Variants in MTX2 observed in about 807,000 individuals in gnomAD.
MTX2 encodes the protein metaxin 2, also known as metaxin-2.
A neutral mutation model predicts 42.3 loss-of-function variants in MTX2; 35 were observed. That is an observed-to-expected ratio of 0.83 (90% CI 0.63 to 1.10). The LOEUF (loss-of-function observed/expected upper bound fraction) is 1.10, where lower values mean the gene tolerates loss of function less well. Among genes scored for constraint, MTX2 ranks in the 50% least tolerant of loss-of-function variants. MTX2 has a pLI of 0.00. For missense variants in MTX2, 307 were observed against 304.1 expected (o/e 1.01, Z -0.07); for synonymous variants, 119 against 100.9 (o/e 1.18, Z -1.08).
intron 1 of MTX2, among the ~76,000 whole-genome samples, chr2:176,290,768 T>A (rs903308435): frequency 1.1e-4 from 16 of 148,070 alleles, no homozygotes; most frequent in Non-Finnish European, 2.2e-4. Flanking sequence ...TTTTTTTTCC[T>A]CTCATGTCAT....
chr2:176,297,803 C>A, intron 2 of MTX2, 46 bp from the exon 3 acceptor site: 2 of 1,315,598 alleles, frequency 1.5e-6, no homozygotes, highest in South Asian at 1.7e-5. Context: ...AATAAAAATA[C>A]TATATTCTAC....
intron 3 of MTX2, among the ~76,000 whole-genome samples, chr2:176,304,709 A>T (rs1225407373): frequency 6.6e-6 from 1 of 152,046 alleles, no homozygotes; most frequent in African/African-American, 2.4e-5. Context: ...ATTCACAATC[A>T]TTTTTATTTT....
intron 1 of MTX2, among the ~76,000 whole-genome samples, chr2:176,289,392 CTTAAGCAGCATCTCT>C (rs1693277707): frequency 1.3e-5 from 2 of 151,980 alleles, no homozygotes; most frequent in Non-Finnish European, 2.9e-5. Flanking sequence ...AGCCTGAAAC[CTTAAGCAGCATCTCT>C]TTTGCTCCTG....
At chr2:176,318,766 T>C (rs940466828) in intron 3 of MTX2, among the ~76,000 whole-genome samples, 8 of 152,208 alleles carry the variant, frequency 5.3e-5, no homozygotes, top group Non-Finnish European at 8.8e-5. Flanking sequence ...CTTTATGTAC[T>C]GATTACTGTT....
intron 1 of MTX2, among the ~76,000 whole-genome samples, chr2:176,285,820 A>G (rs548142304): frequency 6.6e-6 from 1 of 152,224 alleles, no homozygotes; most frequent in East Asian, 1.9e-4. Flanking sequence ...CTTTTTGACT[A>G]TTGTGAATAA....
At chr2:176,293,878 A>G (rs1683765909) in intron 1 of MTX2, among the ~76,000 whole-genome samples, 1 of 152,184 alleles carries the variant, frequency 6.6e-6, no homozygotes, top group Non-Finnish European at 1.5e-5. Context: ...GCAGCTGTTC[A>G]TTCTTTGTAT....
chr2:176,307,511 G>A (rs1250374047), intron 3 of MTX2, among the ~76,000 whole-genome samples: 5 of 152,146 alleles, frequency 3.3e-5, no homozygotes, highest in Admixed American at 6.5e-5. Flanking sequence ...CCATTTTCAC[G>A]ATATTGATTT....
At chr2:176,320,437 G>A (rs1684554924) in intron 3 of MTX2, among the ~76,000 whole-genome samples, 1 of 152,056 alleles carries the variant, frequency 6.6e-6, no homozygotes, top group South Asian at 2.1e-4. Flanking sequence ...CCTTTGAGAA[G>A]ATATATTAAA....
At chr2:176,309,790 G>T (rs943958957) in intron 3 of MTX2, among the ~76,000 whole-genome samples, 4 of 129,858 alleles carry the variant, frequency 3.1e-5, no homozygotes, top group East Asian at 2.2e-4. Flanking sequence ...TTTTGAGCCT[G>T]TGTGCCTCTT....
rs367929876 is a variant in MTX2 at position 176,275,339 on chromosome 2, A to G, written c.40+5670A>G. Among the ~76,000 whole-genome samples, 26 of 152,026 alleles carry G rather than the reference A, an allele frequency of 1.7e-4. No homozygotes were observed. In the East Asian group the frequency reaches 4.7e-3, roughly 27 times the overall value. On this transcript the variant is annotated intron_variant, in intron 1 of 9. Coordinates refer to ENST00000249442, the MANE Select transcript of MTX2 (RefSeq NM_006554.5). Reference sequence around the variant, plus strand: ...CTGCAACCTCCACCTCCCAGGTTCAAGTTATTCTCCTGCCTCAGCCTCTTG... The same window carrying G: ...CTGCAACCTCCACCTCCCAGGTTCAGGTTATTCTCCTGCCTCAGCCTCTTG...
intron 1 of MTX2, among the ~76,000 whole-genome samples, chr2:176,276,733 C>G (rs1692955723): frequency 1.3e-5 from 2 of 151,976 alleles, no homozygotes; most frequent in South Asian, 4.1e-4. Context: ...ATGTAGTATC[C>G]CATTACCATT....
chr2:176,293,358 C>G (rs1387225604), intron 1 of MTX2, among the ~76,000 whole-genome samples: 1 of 152,088 alleles, frequency 6.6e-6, no homozygotes, highest in East Asian at 1.9e-4. Flanking sequence ...TAGAAATATA[C>G]CAGTTACTGT....
chr2:176,319,951 C>T (rs1302487853), intron 3 of MTX2, among the ~76,000 whole-genome samples: 2 of 152,070 alleles, frequency 1.3e-5, no homozygotes, highest in African/African-American at 4.8e-5. Context: ...GCTCCCTCCT[C>T]GGCCTCTGGA....
At chr2:176,318,039 T>C (rs567390940) in intron 3 of MTX2, among the ~76,000 whole-genome samples, 9 of 152,290 alleles carry the variant, frequency 5.9e-5, no homozygotes, top group African/African-American at 2.2e-4. Context: ...CCCTCTGCCC[T>C]GCTAAGTCTG....
rs75457222 is a variant in MTX2 at position 176,285,913 on chromosome 2, G to C, written c.41-10947G>C. Among the ~76,000 whole-genome samples the C allele has an allele frequency of 8.9e-3, 1,360 of 152,170 alleles. 18 individuals are homozygous for C. Among genetic ancestry groups the C allele is most frequent in the African/African-American group, 0.031 (1,276 of 41,524 alleles). Reference sequence around the variant, plus strand: ...TGGGTGAATACATAGGAGTGTAATTGATGGGTCATATGGTAAAATTCTGTG... The same window carrying C: ...TGGGTGAATACATAGGAGTGTAATTCATGGGTCATATGGTAAAATTCTGTG... On this transcript the variant is annotated intron_variant, in intron 1 of 9. Coordinates refer to ENST00000249442, the MANE Select transcript of MTX2 (RefSeq NM_006554.5).
At chr2:176,318,785 T>A (rs767930974) in intron 3 of MTX2, among the ~76,000 whole-genome samples, 1 of 152,200 alleles carries the variant, frequency 6.6e-6, no homozygotes, top group Non-Finnish European at 1.5e-5. Flanking sequence ...TTGTTATATA[T>A]CCATGCTGTC....
chr2:176,335,839 C>T (rs1575065628), intron 9 of MTX2, among the ~76,000 whole-genome samples: 1 of 152,192 alleles, frequency 6.6e-6, no homozygotes, highest in South Asian at 2.1e-4. Context: ...TCCACAGATA[C>T]TCCACATTGA....
rs145917560 is a variant in MTX2 at position 176,337,155 on chromosome 2, C to T, written c.621-338C>T. 1.5e-3 allele frequency among the ~76,000 whole-genome samples: 231 copies of T among 152,262 alleles called. 2 individuals are homozygous for T. The highest frequency in any genetic ancestry group is 4.1e-3 in the Admixed American group (63 of 15,284). On this transcript the variant is annotated intron_variant, in intron 9 of 9. Transcript: ENST00000249442. ...CTCCCGGGCTTAAGCCATTCTACCACCTCAGCCTCCCGTGTAGCTAGGACT... is the reference window on the plus strand; with the variant it reads ...CTCCCGGGCTTAAGCCATTCTACCATCTCAGCCTCCCGTGTAGCTAGGACT...
chr2:176,297,842 T>C lies in MTX2; in HGVS notation c.89-7T>C, dbSNP rs376292258. On this transcript the variant is annotated splice_polypyrimidine_tract_variant and splice_region_variant and intron_variant, in intron 2 of 9. Coordinates refer to ENST00000249442, the MANE Select transcript of MTX2 (RefSeq NM_006554.5). ...GTTAACATTTATGCTTCATTGTATT[T>C]CCACAGGGGAGCAAATTTTACTTTC... is the stretch of plus-strand genomic sequence containing the variant. The C allele has an allele frequency of 1.1e-4, 171 of 1,544,138 alleles. No homozygotes were observed. Among genetic ancestry groups the C allele is most frequent in the Non-Finnish European group, 2.7e-5 (31 of 1,140,040 alleles).
Sources: gnomAD v4.1 joint callset for allele counts (sites outside exome capture counted in the v4.1 genomes callset) on GRCh38, gnomAD v4.1.1 for gene constraint, MANE v1.5 for transcripts, NCBI Gene and HGNC (gene_info 2026-07-23, HGNC 2026-07-21) for gene names.